PTCHD4: variants seen among roughly 807,000 people sequenced by gnomAD.
The protein encoded by PTCHD4 is patched domain-containing protein 4.
A neutral mutation model predicts 58.1 loss-of-function variants in PTCHD4; 33 were observed. The observed-to-expected ratio is 0.57, with a 90% CI of 0.43 to 0.76. PTCHD4 has a LOEUF of 0.76. PTCHD4 is among the 30% of genes least tolerant of loss of function. PTCHD4 has a pLI of 0.00. For synonymous variants in PTCHD4, 478 were observed against 409.6 expected (o/e 1.17, Z -2.02); for missense variants, 1,058 against 1,027.1 (o/e 1.03, Z -0.41).
intron 3 of PTCHD4, among the ~76,000 whole-genome samples, chr6:48,014,167 G>A (rs1323480231): frequency 1.3e-5 from 2 of 151,896 alleles, no homozygotes; most frequent in African/African-American, 4.8e-5. Context: ...AAGGTTTTTG[G>A]ATGTTCTGGA....
Position 48,036,185 on chromosome 6 carries a change from G to A in PTCHD4, c.418-27071C>T, listed in dbSNP as rs147536411. Reference sequence around the variant, plus strand: ...CACTTCCGAGAAATTAAGTATGTGTGTATAAGCAGAGAGATACTTAAGCGA... The same window carrying A: ...CACTTCCGAGAAATTAAGTATGTGTATATAAGCAGAGAGATACTTAAGCGA... On this transcript the variant is annotated intron_variant, in intron 3 of 4. Transcript: ENST00000339488. Among the ~76,000 whole-genome samples, 4 of 152,090 alleles carry A rather than the reference G, an allele frequency of 2.6e-5. No individual in the cohort carries two copies. In the East Asian group the frequency reaches 5.8e-4, roughly 22 times the overall value.
intron 1 of PTCHD4, among the ~76,000 whole-genome samples, chr6:48,076,711 A>C (rs567440472): frequency 1.3e-5 from 2 of 152,382 alleles, no homozygotes; most frequent in East Asian, 3.9e-4. Context: ...TGAGCAATTA[A>C]TGATTCATGA....
intron 4 of PTCHD4, among the ~76,000 whole-genome samples, chr6:47,884,190 G>T (rs939418248): frequency 3.3e-5 from 5 of 151,980 alleles, no homozygotes; most frequent in East Asian, 1.9e-4. Context: ...CTAATTCAAA[G>T]AACTGGATTG....
rs1321874328 is a variant in PTCHD4 at position 47,856,761 on chromosome 6, G to T, written c.*21542C>A. Among the ~76,000 whole-genome samples the T allele has an allele frequency of 5.9e-5, 9 of 151,852 alleles. No individual in the cohort carries two copies. Among genetic ancestry groups the T allele is most frequent in the Non-Finnish European group, 7.4e-5 (5 of 67,944 alleles). ...AATAAATCTTGGTAAGTTATAGAGA[G>T]AATAATTTTATGAACATTTTATACC... On this transcript the variant is annotated 3_prime_UTR_variant, in exon 5 of 5. Transcript: ENST00000339488.
In PTCHD4 at chr6:48,069,196, TG is replaced by T. The variant is rs373285367; in HGVS notation, c.-240del. Reference sequence around the variant, plus strand: ...GAGAAGGGCGGGAGCACGTTGGGGGTGGGGGGGCAGATAAGCTTTTTTCTTT... The same window carrying T: ...GAGAAGGGCGGGAGCACGTTGGGGGTGGGGGGCAGATAAGCTTTTTTCTTT... On this transcript the variant is annotated 5_prime_UTR_variant, in exon 2 of 5. An upstream open reading frame in the 5' UTR loses its in-frame stop. Coordinates refer to ENST00000339488, the MANE Select transcript of PTCHD4 (RefSeq NM_001384253.1). Among the ~76,000 whole-genome samples, 87 of 47,256 alleles carry T rather than the reference TG, an allele frequency of 1.8e-3. No individual in the cohort carries two copies. The highest frequency in any genetic ancestry group is 0.013 in the Middle Eastern group (1 of 78). The allele number at this position is 47,256 out of a possible 152,430, so 31.0% of individuals were successfully genotyped here. A position where few individuals can be genotyped will look rare whatever the true frequency, so the allele number is the denominator to read the frequency against.
chr6:48,109,270 A>G (rs150377918), intron 1 of PTCHD4, among the ~76,000 whole-genome samples: 2 of 152,296 alleles, frequency 1.3e-5, no homozygotes, highest in African/African-American at 4.8e-5. Context: ...CAAGGCTACT[A>G]TAACACCAGT....
chr6:47,896,310 AG>A (rs944380106), intron 4 of PTCHD4, among the ~76,000 whole-genome samples: 2 of 152,242 alleles, frequency 1.3e-5, no homozygotes, highest in African/African-American at 4.8e-5. Flanking sequence ...AGGTCCTCAA[AG>A]GAAAGAAACC....
chr6:48,110,943 G>C lies in PTCHD4; in HGVS notation c.-970+106C>G, dbSNP rs111553910. On this transcript the variant is annotated intron_variant, in intron 1 of 4. Transcript: ENST00000339488. Reference sequence around the variant, plus strand: ...ATTAAACCTTTAATAAAGGTTTACAGAATGACCCTTCTACACATGCATTGT... The same window carrying C: ...ATTAAACCTTTAATAAAGGTTTACACAATGACCCTTCTACACATGCATTGT... 7.6e-4 allele frequency among the ~76,000 whole-genome samples: 116 copies of C among 151,914 alleles called. 1 individual carries two copies. The highest frequency in any genetic ancestry group is 2.5e-3 in the African/African-American group (103 of 41,456).
chr6:48,021,809 C>T (rs1056290882), intron 3 of PTCHD4, among the ~76,000 whole-genome samples: 1 of 152,102 alleles, frequency 6.6e-6, no homozygotes, highest in African/African-American at 2.4e-5. Context: ...AAAGAAACGT[C>T]TTCGGATTAC....
At chr6:48,103,009 T>C (rs755654540) in intron 1 of PTCHD4, among the ~76,000 whole-genome samples, 37 of 152,202 alleles carry the variant, frequency 2.4e-4, no homozygotes, top group Non-Finnish European at 4.4e-4. Context: ...CCTGCCTCTG[T>C]AGGCTCCACC....
At chr6:48,092,139 T>A (rs1765378948) in intron 1 of PTCHD4, among the ~76,000 whole-genome samples, 1 of 152,176 alleles carries the variant, frequency 6.6e-6, no homozygotes, top group African/African-American at 2.4e-5. Flanking sequence ...CAAAAATGAT[T>A]CTCTGAGTTC....
Position 47,941,173 on chromosome 6 carries a change from T to G in PTCHD4, c.899-61237A>C, listed in dbSNP as rs572236816. On this transcript the variant is annotated intron_variant, in intron 4 of 4. Transcript: ENST00000339488. ...GAATCCTTGCTAGCTGGGTTTCTGA[T>G]TAAAGTCCACCAATGAGAGACACTT... Among the ~76,000 whole-genome samples, 3 of 152,330 alleles carry G rather than the reference T, an allele frequency of 2.0e-5. No individual in the cohort carries two copies. The East Asian group carries it at 5.8e-4, about 29-fold the overall frequency.
chr6:48,013,590 G>T (rs1329263130), intron 3 of PTCHD4, among the ~76,000 whole-genome samples: 2 of 151,894 alleles, frequency 1.3e-5, no homozygotes, highest in East Asian at 3.9e-4. Flanking sequence ...GAGAAATTGT[G>T]GAAAATTTCT....
intron 4 of PTCHD4, among the ~76,000 whole-genome samples, chr6:47,902,647 A>T (rs1363951414): frequency 6.6e-6 from 1 of 152,218 alleles, no homozygotes; most frequent in African/African-American, 2.4e-5. Context: ...AATTTTAAAA[A>T]TTTCAAGTAA....
At chr6:47,886,336 C>A (rs1581827439) in intron 4 of PTCHD4, among the ~76,000 whole-genome samples, 1 of 152,132 alleles carries the variant, frequency 6.6e-6, no homozygotes, top group African/African-American at 2.4e-5. Flanking sequence ...TAAGCATGAT[C>A]TGTGGGTTTC....
At chr6:48,009,906 G>A in intron 3 of PTCHD4, among the ~76,000 whole-genome samples, 1 of 152,152 alleles carries the variant, frequency 6.6e-6, no homozygotes, top group South Asian at 2.1e-4. Context: ...GAGTAGGCAA[G>A]ATCATGAGAG....
intron 3 of PTCHD4, among the ~76,000 whole-genome samples, chr6:48,023,472 A>G (rs1763136710): frequency 6.6e-6 from 1 of 152,308 alleles, no homozygotes; most frequent in South Asian, 2.1e-4. Flanking sequence ...TTAAATCAAG[A>G]CAATGCTCAT....
chr6:48,043,289 C>T (rs1413839926), intron 3 of PTCHD4, among the ~76,000 whole-genome samples: 5 of 151,824 alleles, frequency 3.3e-5, no homozygotes, highest in African/African-American at 1.2e-4. Context: ...ACCTTCTTCT[C>T]CAAACTGTTC....
chr6:47,973,718 A>G (rs1767595578), intron 4 of PTCHD4, among the ~76,000 whole-genome samples: 1 of 152,244 alleles, frequency 6.6e-6, no homozygotes. Context: ...AACTGCAGCC[A>G]GTACTGTTGC....
Sources: allele counts gnomAD v4.1 joint callset (sites outside exome capture counted in the v4.1 genomes callset), GRCh38; gene constraint gnomAD v4.1.1; transcripts MANE v1.5; gene names NCBI Gene and HGNC (gene_info 2026-07-23, HGNC 2026-07-21).